The following KCNS3 variants were observed in gnomAD, a reference collection of about 807,000 sequenced individuals.
KCNS3 encodes delayed-rectifier potassium channel regulatory subunit KCNS3.
In KCNS3, 13 loss-of-function variants were observed where a neutral mutation model predicts 31.0. That is an observed-to-expected ratio of 0.42 (90% confidence interval 0.27 to 0.67). The LOEUF is 0.67. Among genes scored for constraint, KCNS3 ranks in the 30% least tolerant of loss-of-function variants. KCNS3 has a pLI of 0.25. For synonymous variants in KCNS3, 238 were observed against 241.5 expected (o/e 0.99, Z 0.13); for missense variants, 545 against 622.4 (o/e 0.88, Z 1.32).
chr2:17,927,265 A>G (rs535598571), intron 2 of KCNS3, among the ~76,000 whole-genome samples: 2 of 152,282 alleles, frequency 1.3e-5, no homozygotes, highest in African/African-American at 4.8e-5. Context: ...CACTACCAGC[A>G]TTTTGGCCAA....
At chr2:17,903,428 A>G (rs1260910138) in intron 1 of KCNS3, among the ~76,000 whole-genome samples, 1 of 152,086 alleles carries the variant, frequency 6.6e-6, no homozygotes, top group Non-Finnish European at 1.5e-5. Flanking sequence ...AGGGGGTTGA[A>G]GTTTTAGGGG....
chr2:17,887,427 T>A (rs888194178), intron 1 of KCNS3, among the ~76,000 whole-genome samples: 14 of 152,094 alleles, frequency 9.2e-5, no homozygotes, highest in Admixed American at 9.2e-4. Context: ...CTCATTCAGG[T>A]CACTTTAAAT....
intron 1 of KCNS3, among the ~76,000 whole-genome samples, chr2:17,908,791 A>G (rs1662399413): frequency 6.6e-6 from 1 of 152,230 alleles, no homozygotes; most frequent in Non-Finnish European, 1.5e-5. Flanking sequence ...GCTGAACAGC[A>G]AATGTTGCTG....
chr2:17,932,707 G>T lies in KCNS3; in HGVS notation c.*223G>T. 1 of 502,268 alleles carries T rather than the reference G, an allele frequency of 2.0e-6. No individual in the cohort carries two copies. The highest frequency in any genetic ancestry group is 3.9e-5 in the Admixed American group (1 of 25,956). The allele number at this position is 502,268 out of a possible 1,614,324, so 31.1% of individuals were successfully genotyped here. A position where few individuals can be genotyped will look rare whatever the true frequency, so the allele number is the denominator to read the frequency against. ...TGAAATTTATTTTTTACAAGAGAGA[G>T]TTGTGATATAGTTTGGAATATAAGA... On this transcript the variant is annotated 3_prime_UTR_variant, in exon 3 of 3. Transcript: ENST00000304101.
chr2:17,927,386 T>C (rs1305295447), intron 2 of KCNS3, among the ~76,000 whole-genome samples: 1 of 152,160 alleles, frequency 6.6e-6, no homozygotes, highest in Non-Finnish European at 1.5e-5. Flanking sequence ...CCAAAGTTGC[T>C]TCCACATTTT....
At chr2:17,888,640 T>TATATATATAG (rs1661758674) in intron 1 of KCNS3, among the ~76,000 whole-genome samples, 1 of 77,744 alleles carries the variant, frequency 1.3e-5, no homozygotes, top group Non-Finnish European at 3.4e-5. Context: ...TATATATATA[T>TATATATATAG]ATATATATAT....
intron 2 of KCNS3, among the ~76,000 whole-genome samples, chr2:17,921,935 A>G (rs201346762): frequency 2.1e-4 from 17 of 80,470 alleles, no homozygotes; most frequent in African/African-American, 8.3e-4. Context: ...ATATATATAT[A>G]TATATATATA....
intron 1 of KCNS3, among the ~76,000 whole-genome samples, chr2:17,890,630 A>G (rs1661825321): frequency 6.6e-6 from 1 of 151,984 alleles, no homozygotes; most frequent in African/African-American, 2.4e-5. Flanking sequence ...TTGTGTCATC[A>G]TTGTCATTCA....
intron 1 of KCNS3, among the ~76,000 whole-genome samples, chr2:17,906,571 G>A (rs979989807): frequency 3.9e-5 from 6 of 152,050 alleles, no homozygotes; most frequent in Non-Finnish European, 7.4e-5. Flanking sequence ...AGTTTTAGAT[G>A]TTTCCTGCTT....
At chr2:17,881,336 C>A (rs1674638842) in intron 1 of KCNS3, among the ~76,000 whole-genome samples, 1 of 152,132 alleles carries the variant, frequency 6.6e-6, no homozygotes, top group Non-Finnish European at 1.5e-5. Flanking sequence ...GTGTGAAATA[C>A]CCACAAAGAA....
rs5829612 is a variant in KCNS3 at position 17,893,940 on chromosome 2, G to GTTTTTT, written c.-252+15155_-252+15160dup. 1.4e-3 allele frequency among the ~76,000 whole-genome samples: 143 copies of GTTTTTT among 98,900 alleles called. 9 individuals carry two copies. In the East Asian group the frequency reaches 0.031, roughly 22 times the overall value. The allele number at this position is 98,900 out of a possible 152,430, so 64.9% of individuals were successfully genotyped here. A position where few individuals can be genotyped will look rare whatever the true frequency, so the allele number is the denominator to read the frequency against. On this transcript the variant is annotated intron_variant, in intron 1 of 2. Coordinates refer to ENST00000304101, the MANE Select transcript of KCNS3 (RefSeq NM_002252.5). Reference sequence around the variant, plus strand: ...CCCTCTGCCATGATCCCAGGAGCCAGTTTTTTTTTTTTTTTTTTTTTTTTT... The same window carrying GTTTTTT: ...CCCTCTGCCATGATCCCAGGAGCCAGTTTTTTTTTTTTTTTTTTTTTTTTTTTTTTT...
intron 1 of KCNS3, among the ~76,000 whole-genome samples, chr2:17,883,102 C>T (rs1325709842): frequency 6.6e-6 from 1 of 152,080 alleles, no homozygotes; most frequent in Non-Finnish European, 1.5e-5. Flanking sequence ...TGCTTTTAGC[C>T]AATAATGTTA....
At position 17,907,240 on chromosome 2, in the gene KCNS3, T is replaced by A. The variant is rs1253318902; in HGVS notation, c.-251-10440T>A. On this transcript the variant is annotated intron_variant, in intron 1 of 2. Transcript: ENST00000304101. ...GGCCTTCTTTGTCTCTTTTGATCTT[T>A]GTTGGTTTAAAGTCTGTTTTATCAG... is the stretch of plus-strand genomic sequence containing the variant. Among the ~76,000 whole-genome samples the A allele has an allele frequency of 3.3e-5, 5 of 152,366 alleles. No homozygotes were observed. The South Asian group carries it at 8.3e-4, about 25-fold the overall frequency.
chr2:17,918,652 G>A (rs1870822), intron 2 of KCNS3, among the ~76,000 whole-genome samples: 138,682 of 152,298 alleles, frequency 0.91, 63,305 homozygotes, highest in East Asian at 0.99. Context: ...TTACTAGATT[G>A]TGGGCAGCAC....
At chr2:17,921,865 C>A (rs1403490989) in intron 2 of KCNS3, among the ~76,000 whole-genome samples, 1 of 140,278 alleles carries the variant, frequency 7.1e-6, no homozygotes, top group African/African-American at 2.7e-5. Context: ...AGAGCCAGAC[C>A]ATATCAGTTT....
chr2:17,883,169 A>C (rs1674681380), intron 1 of KCNS3, among the ~76,000 whole-genome samples: 1 of 152,240 alleles, frequency 6.6e-6, no homozygotes, highest in Non-Finnish European at 1.5e-5. Context: ...TGAAGTGCCA[A>C]ATGAATGAAG....
At position 17,932,416 on chromosome 2, in the gene KCNS3, G is replaced by T; in HGVS notation, c.1408G>T (p.Ala470Ser). Residue 470 changes from alanine (A) to serine (S), a missense_variant, in exon 3 of 3, where the codon GCT becomes TCT. Physicochemically the swap from Ala to Ser is moderately conservative, Grantham distance 99. Coordinates refer to ENST00000304101, the MANE Select transcript of KCNS3 (RefSeq NM_002252.5). Reference sequence around the variant, plus strand: ...GGTGAGCGATCCTGACTCCACAGATGCTTCAAGCATTGAAGACAATGAGGA... The same window carrying T: ...GGTGAGCGATCCTGACTCCACAGATTCTTCAAGCATTGAAGACAATGAGGA... ...IVVSDPDSTDASSIEDNEDIC... is the reference protein window; with the variant it reads ...IVVSDPDSTDSSSIEDNEDIC... 1 of 1,614,090 alleles carries T rather than the reference G, an allele frequency of 6.2e-7. No homozygotes were observed. Among genetic ancestry groups the T allele is most frequent in the East Asian group, 2.2e-5 (1 of 44,872 alleles).
At chr2:17,882,768 C>A (rs890926092) in intron 1 of KCNS3, among the ~76,000 whole-genome samples, 6 of 152,184 alleles carry the variant, frequency 3.9e-5, no homozygotes, top group African/African-American at 1.4e-4. Context: ...AAATGTACAA[C>A]AAAATGTAGA....
chr2:17,881,231 C>CGACTCTG (rs755620648), intron 1 of KCNS3, among the ~76,000 whole-genome samples: 106 of 152,216 alleles, frequency 7.0e-4, no homozygotes, highest in Non-Finnish European at 1.2e-3. Context: ...GGAGGAAGGA[C>CGACTCTG]GACTCTGCAG....
Sources: gnomAD v4.1 joint callset for allele counts (sites outside exome capture counted in the v4.1 genomes callset) on GRCh38, gnomAD v4.1.1 for gene constraint, MANE v1.5 for transcripts, NCBI Gene and HGNC (gene_info 2026-07-23, HGNC 2026-07-21) for gene names.